Variants in CABCOCO1 observed in about 807,000 individuals in gnomAD.
CABCOCO1 encodes ciliary-associated calcium-binding coiled-coil protein 1.
A neutral mutation model predicts 35.7 loss-of-function variants in CABCOCO1; 28 were observed. That is an observed-to-expected ratio of 0.78 (90% CI 0.58 to 1.07). CABCOCO1 has a LOEUF of 1.07. Ranked by LOEUF, CABCOCO1 falls within the 50% of genes least tolerant of loss-of-function variation. The pLI is 0.00. For missense variants in CABCOCO1, 326 were observed against 309.2 expected, an observed-to-expected ratio of 1.05 and a Z score of -0.41; for synonymous variants, 95 against 100.1, an observed-to-expected ratio of 0.95 and a Z score of 0.30.
intron 5 of CABCOCO1, among the ~76,000 whole-genome samples, chr10:61,713,627 G>T (rs530324964): frequency 6.6e-6 from 1 of 152,126 alleles, no homozygotes; most frequent in Admixed American, 6.5e-5. Flanking sequence ...TGCCCATTCC[G>T]TATGATATTG....
At chr10:61,669,911 T>C (rs1221710302) in intron 1 of CABCOCO1, among the ~76,000 whole-genome samples, 1 of 152,136 alleles carries the variant, frequency 6.6e-6, no homozygotes, top group Non-Finnish European at 1.5e-5. Flanking sequence ...TTAAAACACA[T>C]AAAAATGATA....
At chr10:61,726,826 C>G (rs10994900) in intron 5 of CABCOCO1, among the ~76,000 whole-genome samples, 149,739 of 150,886 alleles carry the variant, frequency 0.99, 74,305 homozygotes, top group South Asian at 1. Flanking sequence ...GGGAGGCGAG[C>G]GGGGGTGGAT....
chr10:61,740,572 A>G (rs867613729), intron 5 of CABCOCO1, among the ~76,000 whole-genome samples: 3 of 152,256 alleles, frequency 2.0e-5, no homozygotes, highest in Non-Finnish European at 4.4e-5. Context: ...CATTTTATTC[A>G]GTAAATTTTG....
At chr10:61,708,419 C>T (rs7916973) in intron 5 of CABCOCO1, among the ~76,000 whole-genome samples, 61,163 of 151,836 alleles carry the variant, frequency 0.4, 14,357 homozygotes, top group Middle Eastern at 0.54. Flanking sequence ...CTTTTCCATT[C>T]GGGCTGCTAT....
At chr10:61,708,051 G>A (rs190146887) in intron 5 of CABCOCO1, among the ~76,000 whole-genome samples, 9 of 151,592 alleles carry the variant, frequency 5.9e-5, no homozygotes, top group South Asian at 4.2e-4. Flanking sequence ...CAACTAACAG[G>A]GCAAAGTAAG....
At chr10:61,725,951 G>T (rs916292682) in intron 5 of CABCOCO1, among the ~76,000 whole-genome samples, 3 of 151,982 alleles carry the variant, frequency 2.0e-5, no homozygotes, top group Admixed American at 6.6e-5. Context: ...TGACAAAAGG[G>T]ATACAAACAA....
rs890790535 is a variant in CABCOCO1 at position 61,695,474 on chromosome 10, G to T, written c.552+4853G>T. Reference sequence around the variant, plus strand: ...TTCCAGAACTAACCAACACCAGTAGGACATAGATTTAGGATTTACTTGAAC... The same window carrying T: ...TTCCAGAACTAACCAACACCAGTAGTACATAGATTTAGGATTTACTTGAAC... On this transcript the variant is annotated intron_variant, in intron 5 of 7. Transcript: ENST00000648843. Among the ~76,000 whole-genome samples the T allele has an allele frequency of 3.6e-4, 55 of 151,918 alleles. 1 individual carries two copies. Among genetic ancestry groups the T allele is most frequent in the Non-Finnish European group, 5.9e-5 (4 of 67,936 alleles).
At chr10:61,729,387 A>G (rs1284193379) in intron 5 of CABCOCO1, among the ~76,000 whole-genome samples, 3 of 152,212 alleles carry the variant, frequency 2.0e-5, no homozygotes, top group African/African-American at 7.2e-5. Flanking sequence ...GTCACCAATC[A>G]TCAGGGAAAT....
intron 2 of CABCOCO1, among the ~76,000 whole-genome samples, chr10:61,679,577 C>G (rs72821786): frequency 6.6e-6 from 1 of 152,012 alleles, no homozygotes; most frequent in Non-Finnish European, 1.5e-5. Context: ...TTACTTCATA[C>G]AGAAAATGCC....
intron 3 of CABCOCO1, 38 bp from the exon 4 acceptor site, chr10:61,686,003 C>G: frequency 6.5e-7 from 1 of 1,542,738 alleles, no homozygotes; most frequent in Non-Finnish European, 8.7e-7. Flanking sequence ...AAACATCTAT[C>G]AAAATAATAA....
chr10:61,731,790 G>A (rs1225492132), intron 5 of CABCOCO1, among the ~76,000 whole-genome samples: 4 of 132,228 alleles, frequency 3.0e-5, no homozygotes, highest in African/African-American at 1.1e-4. Context: ...GAGGGAGGGA[G>A]GGAAGGGGGG....
intron 5 of CABCOCO1, among the ~76,000 whole-genome samples, chr10:61,691,692 G>T (rs892906946): frequency 6.6e-6 from 1 of 151,532 alleles, no homozygotes; most frequent in Non-Finnish European, 1.5e-5. Context: ...CCCTCCCTGT[G>T]CCCATGTGTT....
intron 5 of CABCOCO1, among the ~76,000 whole-genome samples, chr10:61,745,718 G>A (rs907339152): frequency 5.3e-5 from 8 of 152,182 alleles, no homozygotes; most frequent in Admixed American, 2.0e-4. Flanking sequence ...TCTTTTAAAC[G>A]TGTGATGTGC....
At chr10:61,679,428 G>A (rs12244842) in intron 2 of CABCOCO1, among the ~76,000 whole-genome samples, 2 of 151,968 alleles carry the variant, frequency 1.3e-5, no homozygotes, top group Admixed American at 1.3e-4. Context: ...ACCAGGGTGT[G>A]CAGGCTTGGA....
At chr10:61,752,625 G>A (rs1356904530) in intron 5 of CABCOCO1, among the ~76,000 whole-genome samples, 2 of 152,144 alleles carry the variant, frequency 1.3e-5, no homozygotes, top group African/African-American at 4.8e-5. Context: ...GTTACCAACT[G>A]ATTTACAACT....
intron 5 of CABCOCO1, among the ~76,000 whole-genome samples, chr10:61,698,327 G>C (rs1840348922): frequency 6.6e-6 from 1 of 152,130 alleles, no homozygotes; most frequent in African/African-American, 2.4e-5. Context: ...CCATTGCACA[G>C]CTCCAGGGGC....
rs138602297 is a variant in CABCOCO1, at chr10:61,717,892, C to A, written c.552+27271C>A. Among the ~76,000 whole-genome samples the A allele has an allele frequency of 7.9e-5, 12 of 152,242 alleles. No homozygotes were observed. The East Asian group carries it at 2.3e-3, about 29-fold the overall frequency. ...AACTGCACAAGCAAGGGCATAGAGA[C>A]AAGAATGATTGTAATATTTTAACCC... On this transcript the variant is annotated intron_variant, in intron 5 of 7. Transcript: ENST00000648843.
Position 61,673,667 on chromosome 10 carries a change from A to G in CABCOCO1, c.164+932A>G, listed in dbSNP as rs529386713. Among the ~76,000 whole-genome samples, 18 of 152,336 alleles carry G rather than the reference A, an allele frequency of 1.2e-4. No homozygotes were observed. The South Asian group carries it at 1.9e-3, about 16-fold the overall frequency. On this transcript the variant is annotated intron_variant, in intron 2 of 7. Coordinates refer to ENST00000648843, the MANE Select transcript of CABCOCO1 (RefSeq NM_001366906.2). The stretch of plus-strand genomic sequence containing the variant: ...TCCGAGAAGGGAAGGTTTATCAAGA[A>G]CAGGTGAATAACACTGACAGGCCTT...
intron 7 of CABCOCO1, among the ~76,000 whole-genome samples, chr10:61,764,256 A>T (rs1451131347): frequency 6.6e-6 from 1 of 152,114 alleles, no homozygotes; most frequent in African/African-American, 2.4e-5. Flanking sequence ...AATTCTTCCC[A>T]ATCCTTTGAA....
Sources: gnomAD v4.1 joint callset for allele counts (sites outside exome capture counted in the v4.1 genomes callset) on GRCh38, gnomAD v4.1.1 for gene constraint, MANE v1.5 for transcripts, NCBI Gene and HGNC (gene_info 2026-07-23, HGNC 2026-07-21) for gene names.